RPH3A: variants seen among roughly 807,000 people sequenced by gnomAD.
RPH3A encodes the protein rabphilin-3A.
In RPH3A, 48 loss-of-function variants were observed where a neutral mutation model predicts 102.2. That is an observed-to-expected ratio of 0.47 (90% CI 0.37 to 0.60). The LOEUF (loss-of-function observed/expected upper bound fraction) is 0.60. RPH3A is among the 20% of genes least tolerant of loss of function. The probability of loss-of-function intolerance (pLI) is 0.00; values close to 1 mark genes in which losing one functional copy is unlikely to be tolerated. For synonymous variants in RPH3A, 310 were observed against 324.3 expected (o/e 0.96, Z 0.47); for missense variants, 781 against 910.1 (o/e 0.86, Z 1.83).
chr12:112,816,216 C>G (rs1032922553), intron 2 of RPH3A, among the ~76,000 whole-genome samples: 2 of 152,184 alleles, frequency 1.3e-5, no homozygotes, highest in African/African-American at 4.8e-5. Context: ...TGACTTTACC[C>G]CTCCAGGCTT....
intron 1 of RPH3A, among the ~76,000 whole-genome samples, chr12:112,698,796 G>A (rs891508368): frequency 1.3e-5 from 2 of 152,106 alleles, no homozygotes; most frequent in African/African-American, 4.8e-5. Context: ...GAAAACGGTA[G>A]GATAGTTTTC....
At chr12:112,868,744 T>C in intron 8 of RPH3A, 149 bp downstream of exon 8, 2 of 762,678 alleles carry the variant, frequency 2.6e-6, no homozygotes, top group Non-Finnish European at 4.1e-6. Context: ...CTATATCTCC[T>C]TCAGAGTTCA....
At chr12:112,840,062 A>G (rs977928161) in intron 4 of RPH3A, among the ~76,000 whole-genome samples, 1 of 152,250 alleles carries the variant, frequency 6.6e-6, no homozygotes, top group Admixed American at 6.5e-5. Context: ...GGCATAGGGC[A>G]TGGATACAGA....
At chr12:112,883,258 G>T in intron 15 of RPH3A, 35 bp from the exon 16 acceptor site, 1 of 1,554,452 alleles carries the variant, frequency 6.4e-7, no homozygotes, top group East Asian at 2.3e-5. Flanking sequence ...TCCCCACTGA[G>T]GTAGGTGTCT....
At chr12:112,824,847 G>A (rs1312998777) in intron 2 of RPH3A, among the ~76,000 whole-genome samples, 4 of 152,132 alleles carry the variant, frequency 2.6e-5, no homozygotes, top group South Asian at 2.1e-4. Flanking sequence ...AGGAGAGTGC[G>A]AGCAGGCCAG....
chr12:112,848,887 A>G (rs16942281), intron 5 of RPH3A, among the ~76,000 whole-genome samples: 2,797 of 151,122 alleles, frequency 0.019, 103 homozygotes, highest in African/African-American at 0.063. Flanking sequence ...TGTTTGGAGG[A>G]CTCTTGGTAT....
In RPH3A at chr12:112,778,600, G is replaced by C. The variant is rs148620390; in HGVS notation, c.-139-13543G>C. Among the ~76,000 whole-genome samples, 590 of 152,296 alleles carry C rather than the reference G, an allele frequency of 3.9e-3. 4 individuals carry two copies. The highest frequency in any genetic ancestry group is 0.013 in the African/African-American group (552 of 41,564). Reference sequence around the variant, plus strand: ...TTTGTTTTACATTATGGAAAAGTGTGGGGGCTTCAGGCATGGCTGGATTCA... The same window carrying C: ...TTTGTTTTACATTATGGAAAAGTGTCGGGGCTTCAGGCATGGCTGGATTCA... On this transcript the variant is annotated intron_variant, in intron 1 of 21. Transcript: ENST00000543106.
intron 1 of RPH3A, among the ~76,000 whole-genome samples, chr12:112,785,739 C>G (rs552729222): frequency 6.6e-6 from 1 of 152,162 alleles, no homozygotes; most frequent in Admixed American, 6.5e-5. Flanking sequence ...CAAGGTCACA[C>G]AGTTTGCATG....
intron 4 of RPH3A, among the ~76,000 whole-genome samples, chr12:112,843,241 A>G (rs1372246922): frequency 6.6e-6 from 1 of 152,176 alleles, no homozygotes; most frequent in Non-Finnish European, 1.5e-5. Context: ...GTCCCCTGAG[A>G]GCAAAAGCTT....
intron 1 of RPH3A, among the ~76,000 whole-genome samples, chr12:112,780,356 C>CCG (rs2040999306): frequency 6.6e-6 from 1 of 150,748 alleles, no homozygotes; most frequent in African/African-American, 2.4e-5. Context: ...CCCACCCTCC[C>CCG]TGCTTTTGGA....
chr12:112,805,029 G>GA (rs150702225), intron 2 of RPH3A, among the ~76,000 whole-genome samples: 2,179 of 151,550 alleles, frequency 0.014, 59 homozygotes, highest in African/African-American at 0.05. Flanking sequence ...AGTTTTCCTA[G>GA]AAAAAACAAA....
intron 16 of RPH3A, among the ~76,000 whole-genome samples, chr12:112,884,527 C>G (rs967263436): frequency 6.6e-6 from 1 of 152,222 alleles, no homozygotes; most frequent in Non-Finnish European, 1.5e-5. Context: ...TTTGGGTGGA[C>G]ATTTAAATTG....
chr12:112,713,028 CTT>C (rs1565857307), intron 1 of RPH3A, among the ~76,000 whole-genome samples: 19 of 71,640 alleles, frequency 2.7e-4, no homozygotes, highest in African/African-American at 6.1e-4. Flanking sequence ...TCTTCCTCTT[CTT>C]CTTCTTCTTC....
At chr12:112,660,188 A>C (rs899282771) in intron 1 of RPH3A, among the ~76,000 whole-genome samples, 1 of 152,200 alleles carries the variant, frequency 6.6e-6, no homozygotes, top group Non-Finnish European at 1.5e-5. Context: ...AAATATACAG[A>C]CATGCATAAT....
intron 1 of RPH3A, among the ~76,000 whole-genome samples, chr12:112,759,400 T>C (rs1293395358): frequency 6.6e-6 from 1 of 152,198 alleles, no homozygotes; most frequent in African/African-American, 2.4e-5. Flanking sequence ...AGCCTTCGTT[T>C]CCTGGTTTGG....
chr12:112,699,591 G>A (rs2040378189), intron 1 of RPH3A, among the ~76,000 whole-genome samples: 2 of 152,216 alleles, frequency 1.3e-5, no homozygotes, highest in Admixed American at 1.3e-4. Context: ...TATAGTGACA[G>A]AAAGCAGACA....
At chr12:112,715,995 C>A (rs912516347) in intron 1 of RPH3A, among the ~76,000 whole-genome samples, 5 of 152,158 alleles carry the variant, frequency 3.3e-5, no homozygotes, top group African/African-American at 1.2e-4. Context: ...AGGATAATTT[C>A]CTGATATTGC....
intron 1 of RPH3A, among the ~76,000 whole-genome samples, chr12:112,781,191 AAAAC>A (rs2041004721): frequency 1.5e-5 from 1 of 65,426 alleles, no homozygotes; most frequent in Non-Finnish European, 3.5e-5. Context: ...CAAAAAAACC[AAAAC>A]AACAACAACA....
In RPH3A at chr12:112,695,225, A is replaced by G. The variant is rs150826080; in HGVS notation, c.-139-96918A>G. On this transcript the variant is annotated intron_variant, in intron 1 of 21. Coordinates refer to the RPH3A transcript ENST00000543106. Reference sequence around the variant, plus strand: ...CAACCCTAATCCATAGACAAGGATCAGAGATGTATAGACTTAAGATAACTG... The same window carrying G: ...CAACCCTAATCCATAGACAAGGATCGGAGATGTATAGACTTAAGATAACTG... The G allele has an allele frequency of 3.8e-3, 638 of 168,580 alleles. 2 individuals carry two copies. The highest frequency in any genetic ancestry group is 0.028 in the Middle Eastern group (13 of 464). 10.4% of individuals were successfully genotyped at this position (168,580 alleles called of 1,614,324 possible). A position where few individuals can be genotyped will look rare whatever the true frequency, so the allele number is the denominator to read the frequency against.
Sources: gnomAD v4.1 joint callset for allele counts (sites outside exome capture counted in the v4.1 genomes callset) on GRCh38, gnomAD v4.1.1 for gene constraint, MANE v1.5 for transcripts, NCBI Gene and HGNC (gene_info 2026-07-23, HGNC 2026-07-21) for gene names.